Variants in FAT3 observed in about 807,000 individuals in gnomAD.
FAT3 encodes protocadherin Fat 3.
FAT3 carries 95 observed loss-of-function variants against 310.2 expected under a neutral mutation model. That is an observed-to-expected ratio of 0.31 (90% confidence interval 0.26 to 0.36). The LOEUF (loss-of-function observed/expected upper bound fraction) is 0.36. Ranked by LOEUF, FAT3 falls within the 10% of genes least tolerant of loss-of-function variation. FAT3 has a pLI of 1.00. For missense variants in FAT3, 5,408 were observed against 5,715.6 expected (o/e 0.95, Z 1.74); for synonymous variants, 2,314 against 2,192.9 (o/e 1.06, Z -1.54).
chr11:92,889,719 A>C (rs1227533125), intron 26 of FAT3, 137 bp from the exon 27 acceptor site: 5 of 629,794 alleles, frequency 7.9e-6, no homozygotes, highest in Non-Finnish European at 1.5e-5. Context: ...AATGGGAAGA[A>C]ATAAAAAAGG....
At chr11:92,286,824 T>G (rs1946573201) in intron 1 of FAT3, among the ~76,000 whole-genome samples, 1 of 152,174 alleles carries the variant, frequency 6.6e-6, no homozygotes, top group African/African-American at 2.4e-5. Context: ...GCCTGAAGTA[T>G]TCAATGCATC....
At chr11:92,331,728 T>G (rs1947928639) in intron 1 of FAT3, among the ~76,000 whole-genome samples, 1 of 152,222 alleles carries the variant, frequency 6.6e-6, no homozygotes, top group African/African-American at 2.4e-5. Flanking sequence ...GATTTTCTTG[T>G]TTTTTAAACG....
chr11:92,559,501 C>T (rs764548643), intron 3 of FAT3: 6 of 372,622 alleles, frequency 1.6e-5, no homozygotes, highest in African/African-American at 1.1e-4. Flanking sequence ...ACCCCTGCCT[C>T]AGCCTCTTGA....
chr11:92,712,362 A>G (rs1944552094), intron 4 of FAT3, among the ~76,000 whole-genome samples: 1 of 152,170 alleles, frequency 6.6e-6, no homozygotes, highest in Non-Finnish European at 1.5e-5. Context: ...GAGAAACCCC[A>G]CTTTCAGACA....
intron 2 of FAT3, among the ~76,000 whole-genome samples, chr11:92,486,578 T>C (rs1952412918): frequency 6.6e-6 from 1 of 152,176 alleles, no homozygotes; most frequent in Admixed American, 6.5e-5. Context: ...CCCAGATTTT[T>C]TATGCTCTCT....
intron 3 of FAT3, among the ~76,000 whole-genome samples, chr11:92,593,353 T>C (rs982800708): frequency 1.3e-5 from 2 of 152,156 alleles, no homozygotes; most frequent in African/African-American, 4.8e-5. Context: ...GGTAATTTTA[T>C]TGAGGAATTA....
chr11:92,362,851 T>A (rs1948917662), intron 2 of FAT3, among the ~76,000 whole-genome samples: 1 of 152,210 alleles, frequency 6.6e-6, no homozygotes, highest in African/African-American at 2.4e-5. Context: ...TCTGTAATAC[T>A]GCTTTGATGT....
Position 92,819,360 on chromosome 11 carries a change from C to G in FAT3, c.9481+9284C>G, listed in dbSNP as rs922030490. 5.3e-5 allele frequency among the ~76,000 whole-genome samples: 8 copies of G among 152,248 alleles called. No homozygotes were observed. The East Asian group carries it at 1.5e-3, about 29-fold the overall frequency. Reference sequence around the variant, plus strand: ...ACTTCAGTGAGCATAAGAGCCACCTCGAGGGTGTATTTGAACAGATTGCTG... The same window carrying G: ...ACTTCAGTGAGCATAAGAGCCACCTGGAGGGTGTATTTGAACAGATTGCTG... On this transcript the variant is annotated intron_variant, in intron 13 of 27. Coordinates refer to ENST00000525166, the MANE Select transcript of FAT3 (RefSeq NM_001367949.2).
Position 92,891,378 on chromosome 11 carries a change from G to A in FAT3, c.*265G>A. 4.0e-6 allele frequency: 2 copies of A among 496,044 alleles called. No homozygotes were observed. Among genetic ancestry groups the A allele is most frequent in the Non-Finnish European group, 3.6e-6 (1 of 274,558 alleles). 30.7% of individuals were successfully genotyped at this position (496,044 alleles called of 1,614,324 possible). A position where few individuals can be genotyped will look rare whatever the true frequency, so the allele number is the denominator to read the frequency against. On this transcript the variant is annotated 3_prime_UTR_variant, in exon 28 of 28. Transcript: ENST00000525166. Reference sequence around the variant, plus strand: ...TGTTCACAGCTAAAAATGCAAAGAGGGAAAAATTATTTCACCCACTAAGTT... The same window carrying A: ...TGTTCACAGCTAAAAATGCAAAGAGAGAAAAATTATTTCACCCACTAAGTT...
At chr11:92,374,197 A>G (rs997994217) in intron 2 of FAT3, among the ~76,000 whole-genome samples, 1 of 152,174 alleles carries the variant, frequency 6.6e-6, no homozygotes, top group Non-Finnish European at 1.5e-5. Flanking sequence ...ACCCTCACTA[A>G]CATACCCAGA....
At position 92,892,399 on chromosome 11, in the gene FAT3, A is replaced by T. The variant is rs1949933378; in HGVS notation, c.*1286A>T. 1 of 146,134 alleles carries T rather than the reference A, an allele frequency of 6.8e-6. No homozygotes were observed. Among genetic ancestry groups the T allele is most frequent in the Non-Finnish European group, 1.5e-5 (1 of 66,274 alleles). The allele number at this position is 146,134 out of a possible 1,614,324, so 9.1% of individuals were successfully genotyped here. On this transcript the variant is annotated 3_prime_UTR_variant, in exon 28 of 28. Transcript: ENST00000525166. ...TAACTTTATTTTGGTACTGCCAATA[A>T]AGCAAAATTGTGCTTTTTTTTTTTT...
chr11:92,785,708 A>G (rs992084899), intron 7 of FAT3, among the ~76,000 whole-genome samples: 8 of 152,180 alleles, frequency 5.3e-5, no homozygotes, highest in Admixed American at 4.6e-4. Flanking sequence ...GATTGAACAA[A>G]TGAAAAAAGA....
At chr11:92,775,177 G>T (rs529478309) in intron 7 of FAT3, among the ~76,000 whole-genome samples, 1 of 152,256 alleles carries the variant, frequency 6.6e-6, no homozygotes, top group Admixed American at 6.5e-5. Flanking sequence ...TCTGAACACA[G>T]TGCTTCAGGT....
chr11:92,729,384 C>A (rs1483393522), intron 4 of FAT3, among the ~76,000 whole-genome samples: 1 of 151,908 alleles, frequency 6.6e-6, no homozygotes. Flanking sequence ...GTGGGAAAAC[C>A]CAGTCATCAC....
intron 7 of FAT3, among the ~76,000 whole-genome samples, chr11:92,785,381 A>C (rs997230974): frequency 6.6e-6 from 1 of 152,304 alleles, no homozygotes; most frequent in East Asian, 1.9e-4. Flanking sequence ...ATGCTGTAAT[A>C]GCCAATGCAA....
chr11:92,522,044 G>A (rs1310219227), intron 2 of FAT3, among the ~76,000 whole-genome samples: 1 of 152,084 alleles, frequency 6.6e-6, no homozygotes, highest in Non-Finnish European at 1.5e-5. Context: ...GGCAGCACAG[G>A]GTCCAGTGGA....
At chr11:92,613,041 A>G (rs1940640766) in intron 3 of FAT3, among the ~76,000 whole-genome samples, 1 of 152,246 alleles carries the variant, frequency 6.6e-6, no homozygotes. Flanking sequence ...TACCTCACTG[A>G]AAATGTATCC....
intron 2 of FAT3, among the ~76,000 whole-genome samples, chr11:92,380,072 CGTGTGTGTGTGTGTGTGT>C (rs34789717): frequency 1.4e-5 from 2 of 145,210 alleles, no homozygotes; most frequent in African/African-American, 2.5e-5. Flanking sequence ...CAAACTGATT[CGTGTGTGTGTGTGTGTGT>C]GTGTGTGTGT....
At chr11:92,481,140 A>G (rs750207720) in intron 2 of FAT3, among the ~76,000 whole-genome samples, 1 of 152,198 alleles carries the variant, frequency 6.6e-6, no homozygotes, top group Non-Finnish European at 1.5e-5. Flanking sequence ...TCTATGTCTC[A>G]TATGTGAGTA....
Sources: allele counts gnomAD v4.1 joint callset (sites outside exome capture counted in the v4.1 genomes callset), GRCh38; gene constraint gnomAD v4.1.1; transcripts MANE v1.5; gene names NCBI Gene and HGNC (gene_info 2026-07-23, HGNC 2026-07-21).